Variants in GPHN observed in about 807,000 individuals in gnomAD.
GPHN encodes the protein gephyrin.
A neutral mutation model predicts 95.5 loss-of-function variants in GPHN; 17 were observed. The observed-to-expected ratio is 0.18, with a 90% CI of 0.12 to 0.27. The LOEUF is 0.27. Among genes scored for constraint, GPHN ranks in the 10% least tolerant of loss-of-function variants. The probability of loss-of-function intolerance (pLI) is 1.00; values close to 1 mark genes in which losing one functional copy is unlikely to be tolerated. For missense variants in GPHN, 660 were observed against 978.1 expected (o/e 0.67, Z 4.34); for synonymous variants, 320 against 322.5 (o/e 0.99, Z 0.08).
chr14:67,644,859 A>T, the GPHN span, among the ~76,000 whole-genome samples: 2 of 152,098 alleles, frequency 1.3e-5, no homozygotes, highest in Non-Finnish European at 2.9e-5. Context: ...TTAGCCAGGC[A>T]TGGTGGCATG....
intron 1 of GPHN, among the ~76,000 whole-genome samples, chr14:66,613,917 A>G (rs113683048): frequency 5.3e-4 from 80 of 152,204 alleles, no homozygotes; most frequent in African/African-American, 1.6e-3. Context: ...AACATTTGAT[A>G]TTATCAGTCT....
At chr14:67,232,634 T>G in the GPHN span, among the ~76,000 whole-genome samples, 1 of 152,264 alleles carries the variant, frequency 6.6e-6, no homozygotes, top group Non-Finnish European at 1.5e-5. Context: ...AAATGTTGAC[T>G]AAACTGCTGA....
At chr14:67,058,503 T>C (rs2075691650) in intron 10 of GPHN, 146 bp from the exon 11 acceptor site, 1 of 725,774 alleles carries the variant, frequency 1.4e-6, no homozygotes, top group Admixed American at 2.0e-5. Context: ...GAGCAGGCTG[T>C]ATTTTGGAGG....
chr14:66,546,550 A>C (rs2059606527), intron 1 of GPHN, among the ~76,000 whole-genome samples: 1 of 152,142 alleles, frequency 6.6e-6, no homozygotes, highest in Admixed American at 6.5e-5. Flanking sequence ...TGGCCGGATC[A>C]CTCACGGTTA....
the GPHN span, chr14:67,574,366 G>A: frequency 7.5e-5 from 120 of 1,592,274 alleles, no homozygotes; most frequent in Non-Finnish European, 9.7e-5. This position sits in a 1 kb window ranked among gnomAD's most constrained non-coding sequence, Gnocchi z 4.2. Flanking sequence ...CTGCTTCGGG[G>A]TGGCACCAAG....
intron 1 of GPHN, among the ~76,000 whole-genome samples, chr14:66,599,391 C>CTTTTTTTTTTTTTTTTTTTT (rs1566679513): frequency 5.4e-5 from 4 of 74,042 alleles, no homozygotes; most frequent in African/African-American, 4.8e-4. Flanking sequence ...TTTTTTTTTG[C>CTTTTTTTTTTTTTTTTTTTT]ATTTTTTTTT....
At chr14:67,065,834 TG>T (rs1294536091) in intron 11 of GPHN, among the ~76,000 whole-genome samples, 2 of 152,000 alleles carry the variant, frequency 1.3e-5, no homozygotes, top group Non-Finnish European at 2.9e-5. Context: ...TGTGTGTCTT[TG>T]CACAGAGATG....
the GPHN span, among the ~76,000 whole-genome samples, chr14:67,537,071 C>A: frequency 1.4e-5 from 2 of 143,500 alleles, no homozygotes; most frequent in African/African-American, 5.3e-5. Flanking sequence ...AAAACTTAAT[C>A]TTAGGCTGGG....
rs72730453 is a variant in GPHN, at chr14:67,023,333, T to C, written c.964-300T>C. ...CCAATATTTACAACTAAATATACAG[T>C]AACAAATTTCCATATACCGATTTTA... is the stretch of plus-strand genomic sequence containing the variant. On this transcript the variant is annotated intron_variant, in intron 9 of 22. Coordinates refer to ENST00000478722, the MANE Select transcript of GPHN (RefSeq NM_020806.5). Among the ~76,000 whole-genome samples, 7,276 of 152,142 alleles carry C rather than the reference T, an allele frequency of 0.048. 203 individuals are homozygous for C. The highest frequency in any genetic ancestry group is 0.068 in the Middle Eastern group (20 of 294).
chr14:67,571,788 G>A, the GPHN span: 7 of 1,613,798 alleles, frequency 4.3e-6, no homozygotes, highest in African/African-American at 2.7e-5. Flanking sequence ...CTTTATGGAC[G>A]AGTCCTCTGG....
the GPHN span, among the ~76,000 whole-genome samples, chr14:67,441,099 G>C: frequency 6.6e-6 from 1 of 152,144 alleles, no homozygotes; most frequent in Non-Finnish European, 1.5e-5. Context: ...CTATGGAGTA[G>C]AATGCAACAT....
chr14:67,301,642 G>A, the GPHN span, among the ~76,000 whole-genome samples: 1 of 152,100 alleles, frequency 6.6e-6, no homozygotes. Context: ...GATTTAAAAT[G>A]AACCAAATTA....
the GPHN span, among the ~76,000 whole-genome samples, chr14:67,598,838 T>C: frequency 6.6e-6 from 1 of 151,654 alleles, no homozygotes; most frequent in South Asian, 2.1e-4. Context: ...GCCTTCCGAG[T>C]GGCTGAGACT....
chr14:66,978,325 T>G (rs934431377), intron 9 of GPHN, among the ~76,000 whole-genome samples: 1 of 152,188 alleles, frequency 6.6e-6, no homozygotes, highest in African/African-American at 2.4e-5. Flanking sequence ...TAGAATGCAA[T>G]GTTGTTTGAA....
At chr14:67,422,376 A>AT in the GPHN span, among the ~76,000 whole-genome samples, 1 of 152,174 alleles carries the variant, frequency 6.6e-6, no homozygotes, top group Admixed American at 6.5e-5. Flanking sequence ...CCCGTGTGGT[A>AT]TGCCATGTCT....
At chr14:67,084,396 T>C (rs771897432) in intron 11 of GPHN, among the ~76,000 whole-genome samples, 1 of 152,190 alleles carries the variant, frequency 6.6e-6, no homozygotes, top group Non-Finnish European at 1.5e-5. Flanking sequence ...CCCCCTCTCC[T>C]ACCTGGTTTT....
the GPHN span, among the ~76,000 whole-genome samples, chr14:67,459,553 G>A: frequency 2.0e-4 from 30 of 152,182 alleles, no homozygotes; most frequent in Admixed American, 1.3e-3. Context: ...GTCACACCCT[G>A]ATACCCATCT....
At chr14:67,203,268 C>T in the GPHN span, 2 of 1,598,448 alleles carry the variant, frequency 1.3e-6, no homozygotes, top group South Asian at 2.3e-5. Flanking sequence ...GACATCTCCT[C>T]CTGCAGAGAA....
intron 1 of GPHN, among the ~76,000 whole-genome samples, chr14:66,604,962 G>C (rs181421460): frequency 1.3e-5 from 2 of 149,824 alleles, no homozygotes; most frequent in South Asian, 4.2e-4. Context: ...TACAGTATTT[G>C]GTTTTCTGTT....
Sources: gnomAD v4.1 joint callset for allele counts (sites outside exome capture counted in the v4.1 genomes callset) on GRCh38, gnomAD v4.1.1 for gene constraint, Gnocchi (gnomAD v3.1) non-coding constraint, MANE v1.5 for transcripts, NCBI Gene and HGNC (gene_info 2026-07-23, HGNC 2026-07-21) for gene names.